The following RGPD2 variants were observed in gnomAD, a reference collection of about 807,000 sequenced individuals.
RGPD2 encodes the protein RANBP2 like and GRIP domain containing 2.
In RGPD2, 2 loss-of-function variants were observed where a neutral mutation model predicts 36.0. The ratio of observed to expected loss-of-function variants is 0.06; its 90% confidence interval spans 0.02 to 0.17. The LOEUF is 0.17. Ranked by LOEUF, RGPD2 falls within the 10% of genes least tolerant of loss-of-function variation. RGPD2 has a pLI of 1.00. For missense variants in RGPD2, 40 were observed against 464.3 expected (o/e 0.09, Z 8.40); for synonymous variants, 19 against 163.8 (o/e 0.12, Z 6.75).
chr2:87,983,498 C>T, the RGPD2 span, among the ~76,000 whole-genome samples: 5 of 121,608 alleles, frequency 4.1e-5, no homozygotes, highest in South Asian at 1.7e-3. Flanking sequence ...TCCTTCTATG[C>T]CAGGCAATAC....
At chr2:87,842,677 C>A in the RGPD2 span, among the ~76,000 whole-genome samples, 1 of 151,122 alleles carries the variant, frequency 6.6e-6, no homozygotes, top group African/African-American at 2.4e-5. Context: ...ATCAAGCTAC[C>A]AATGACTTTC....
At chr2:87,929,150 C>T in the RGPD2 span, among the ~76,000 whole-genome samples, 4 of 151,960 alleles carry the variant, frequency 2.6e-5, no homozygotes, top group East Asian at 5.8e-4. Context: ...ATGATATTGC[C>T]TAAGTTGTCT....
At chr2:87,970,495 C>T in the RGPD2 span, among the ~76,000 whole-genome samples, 1 of 151,318 alleles carries the variant, frequency 6.6e-6, no homozygotes, top group East Asian at 1.9e-4. Context: ...ATCATTACTG[C>T]ACTATAATGT....
chr2:87,897,096 C>G, the RGPD2 span, among the ~76,000 whole-genome samples: 1 of 152,336 alleles, frequency 6.6e-6, no homozygotes, highest in South Asian at 2.1e-4. Context: ...AGTTGCCTGG[C>G]TCCCTTATAA....
intron 6 of RGPD2, among the ~76,000 whole-genome samples, chr2:87,808,992 T>C (rs1686039289): frequency 1.2e-5 from 1 of 85,652 alleles, no homozygotes. Flanking sequence ...GAGGCCAAGG[T>C]AGACAGATCA....
At chr2:87,939,441 A>T in the RGPD2 span, among the ~76,000 whole-genome samples, 1 of 152,000 alleles carries the variant, frequency 6.6e-6, no homozygotes, top group African/African-American at 2.4e-5. Context: ...AACTGAACTT[A>T]GAGCCTCAAT....
At chr2:87,849,532 G>T in the RGPD2 span, among the ~76,000 whole-genome samples, 2 of 147,164 alleles carry the variant, frequency 1.4e-5, no homozygotes, top group African/African-American at 5.0e-5. Flanking sequence ...GATTTTTCTC[G>T]TTTTTCAGAT....
At chr2:87,877,428 C>G in the RGPD2 span, among the ~76,000 whole-genome samples, 3 of 152,382 alleles carry the variant, frequency 2.0e-5, no homozygotes, top group Non-Finnish European at 4.4e-5. Context: ...ATTTGCTTGT[C>G]TGAAAAGGAG....
chr2:87,833,989 T>A, the RGPD2 span, among the ~76,000 whole-genome samples: 1 of 46,580 alleles, frequency 2.1e-5, no homozygotes, highest in Non-Finnish European at 4.3e-5. Flanking sequence ...ACGTAAATTA[T>A]AATAGAAAAC....
the RGPD2 span, among the ~76,000 whole-genome samples, chr2:87,964,658 C>T: frequency 6.7e-6 from 1 of 150,302 alleles, no homozygotes; most frequent in Admixed American, 6.7e-5. Flanking sequence ...ACTTCCATAA[C>T]AACTGTTTCA....
At chr2:87,921,925 A>C in the RGPD2 span, among the ~76,000 whole-genome samples, 29 of 151,884 alleles carry the variant, frequency 1.9e-4, no homozygotes, top group Non-Finnish European at 3.2e-4. Context: ...TTCTAGGCAT[A>C]GCAAAAGGAA....
intron 21 of RGPD2, among the ~76,000 whole-genome samples, chr2:87,772,708 G>A (rs1432361444): frequency 1.1e-5 from 1 of 90,734 alleles, no homozygotes; most frequent in Non-Finnish European, 2.2e-5. Context: ...GAAGAGGGGT[G>A]AAGTAGAAAA....
the RGPD2 span, among the ~76,000 whole-genome samples, chr2:87,867,144 CT>C: frequency 6.6e-6 from 1 of 150,806 alleles, no homozygotes; most frequent in South Asian, 2.1e-4. Flanking sequence ...CCCGAGACAC[CT>C]TTTTGTCCCA....
the RGPD2 span, among the ~76,000 whole-genome samples, chr2:87,847,662 C>A: frequency 6.6e-5 from 10 of 151,468 alleles, no homozygotes; most frequent in Non-Finnish European, 1.0e-4. Context: ...TCACGCCCAG[C>A]TAATTTTTGT....
At chr2:87,844,699 G>A in the RGPD2 span, among the ~76,000 whole-genome samples, 1 of 151,562 alleles carries the variant, frequency 6.6e-6, no homozygotes, top group East Asian at 1.9e-4. Context: ...AAGTCTCTCA[G>A]TAATTTCTAA....
At chr2:87,923,371 A>G in the RGPD2 span, among the ~76,000 whole-genome samples, 4 of 152,220 alleles carry the variant, frequency 2.6e-5, no homozygotes, top group Admixed American at 1.3e-4. Context: ...TGAATCCTAT[A>G]TTTGAAAAAC....
the RGPD2 span, among the ~76,000 whole-genome samples, chr2:87,844,315 T>TA: frequency 1.1e-4 from 16 of 149,370 alleles, no homozygotes; most frequent in Non-Finnish European, 2.1e-4. Context: ...GGTTTCAGAA[T>TA]AAAAATAATT....
the RGPD2 span, chr2:87,985,768 C>T: frequency 2.9e-5 from 46 of 1,610,106 alleles, no homozygotes; most frequent in South Asian, 8.8e-5. Flanking sequence ...AAACCCATCA[C>T]GTTCATGAGA....
At chr2:87,948,489 C>T in the RGPD2 span, among the ~76,000 whole-genome samples, 11 of 149,618 alleles carry the variant, frequency 7.4e-5, no homozygotes, top group South Asian at 4.2e-4. Flanking sequence ...TCAAATTATT[C>T]GCCTGCGTCA....
Sources: gnomAD v4.1 joint callset for allele counts (sites outside exome capture counted in the v4.1 genomes callset) on GRCh38, gnomAD v4.1.1 for gene constraint, MANE v1.5 for transcripts, NCBI Gene and HGNC (gene_info 2026-07-23, HGNC 2026-07-21) for gene names.